ADK: variants seen among roughly 807,000 people sequenced by gnomAD.
ADK encodes the protein N6,N6-dimethyladenosine kinase.
A neutral mutation model predicts 44.7 loss-of-function variants in ADK; 24 were observed. The observed-to-expected ratio is 0.54, with a 90% CI of 0.39 to 0.76. The LOEUF (loss-of-function observed/expected upper bound fraction) is 0.76. Ranked by LOEUF, ADK falls within the 30% of genes least tolerant of loss-of-function variation. ADK has a pLI of 0.00. For missense variants in ADK, 321 were observed against 425.1 expected (o/e 0.76, Z 2.15); for synonymous variants, 128 against 142.6 (o/e 0.90, Z 0.73).
At chr10:74,223,032 TAAA>T (rs1564603020) in intron 2 of ADK, among the ~76,000 whole-genome samples, 1 of 152,050 alleles carries the variant, frequency 6.6e-6, no homozygotes, top group Non-Finnish European at 1.5e-5. Flanking sequence ...TAAAAATAAA[TAAA>T]AAGTGAATTT....
intron 3 of ADK, among the ~76,000 whole-genome samples, chr10:74,255,514 TG>T (rs1447044250): frequency 6.6e-6 from 1 of 152,196 alleles, no homozygotes; most frequent in African/African-American, 2.4e-5. Flanking sequence ...GTCAATTAAC[TG>T]GGGGCATAAT....
chr10:74,606,702 GTATA>G (rs1459883497), intron 9 of ADK, among the ~76,000 whole-genome samples: 7 of 152,192 alleles, frequency 4.6e-5, no homozygotes, highest in African/African-American at 1.7e-4. Context: ...TGAGAAGAAT[GTATA>G]TTCTGTTGAT....
intron 9 of ADK, among the ~76,000 whole-genome samples, chr10:74,647,450 C>T (rs1220727107): frequency 6.6e-6 from 1 of 152,138 alleles, no homozygotes; most frequent in African/African-American, 2.4e-5. Context: ...AAGGTAATTA[C>T]AGCTTCTACT....
chr10:74,514,336 C>G (rs1811383631), intron 6 of ADK, among the ~76,000 whole-genome samples: 1 of 152,140 alleles, frequency 6.6e-6, no homozygotes, highest in Non-Finnish European at 1.5e-5. Flanking sequence ...GGATGTCTCT[C>G]TGTCTTTCTG....
intron 6 of ADK, among the ~76,000 whole-genome samples, chr10:74,475,784 GAGAAAGAAA>G: frequency 7.0e-6 from 1 of 142,552 alleles, no homozygotes; most frequent in Admixed American, 7.0e-5. Flanking sequence ...GAGGGAGAAA[GAGAAAGAAA>G]AGAAAGAAGA....
intron 2 of ADK, among the ~76,000 whole-genome samples, chr10:74,219,774 G>C (rs1844220217): frequency 6.6e-6 from 1 of 150,780 alleles, no homozygotes; most frequent in South Asian, 2.1e-4. Flanking sequence ...TGACTACTGG[G>C]TACATAACGA....
intron 9 of ADK, among the ~76,000 whole-genome samples, chr10:74,623,274 A>G (rs778833495): frequency 2.6e-4 from 39 of 152,138 alleles, no homozygotes; most frequent in Non-Finnish European, 5.7e-4. Context: ...ATCTGGCCCA[A>G]ATTATTAATT....
chr10:74,680,659 A>C (rs2134231585), intron 10 of ADK, among the ~76,000 whole-genome samples: 1 of 152,360 alleles, frequency 6.6e-6, no homozygotes, highest in South Asian at 2.1e-4. Context: ...TCACTGTGGT[A>C]AATAAGTCAT....
chr10:74,496,319 A>G (rs1847686153), intron 6 of ADK, among the ~76,000 whole-genome samples: 1 of 152,142 alleles, frequency 6.6e-6, no homozygotes, highest in African/African-American at 2.4e-5. Flanking sequence ...AATAATCTCC[A>G]CATGTCAAGG....
intron 3 of ADK, among the ~76,000 whole-genome samples, chr10:74,284,677 C>T (rs1424203123): frequency 6.6e-6 from 1 of 152,242 alleles, no homozygotes; most frequent in Non-Finnish European, 1.5e-5. Context: ...CCTACTCCTA[C>T]TACCACATAA....
intron 6 of ADK, among the ~76,000 whole-genome samples, chr10:74,419,337 T>C (rs1001993619): frequency 3.3e-5 from 5 of 152,108 alleles, no homozygotes; most frequent in Admixed American, 3.3e-4. Context: ...CCCCCAAAAA[T>C]CCCTTATTTA....
At chr10:74,371,825 T>C in intron 4 of ADK, 1 of 1,275,468 alleles carries the variant, frequency 7.8e-7, no homozygotes, top group Non-Finnish European at 1.1e-6. Context: ...CTGGAGCCAC[T>C]CCAATTGTTG....
chr10:74,223,056 T>G (rs975691320), intron 2 of ADK, among the ~76,000 whole-genome samples: 1 of 152,152 alleles, frequency 6.6e-6, no homozygotes, highest in African/African-American at 2.4e-5. Context: ...TAGGCCATTT[T>G]CTGTTACTTA....
chr10:74,190,982 T>TTC (rs1554827321), intron 1 of ADK, among the ~76,000 whole-genome samples: 12 of 32,092 alleles, frequency 3.7e-4, no homozygotes, highest in African/African-American at 7.6e-4. Context: ...TATTTTTGAC[T>TTC]TTTTTTTTTT....
intron 3 of ADK, among the ~76,000 whole-genome samples, chr10:74,296,066 C>CTTTTTTTTTTTTTT (rs59799489): frequency 7.1e-6 from 1 of 139,952 alleles, no homozygotes; most frequent in Admixed American, 7.0e-5. Context: ...TATTTAGCTC[C>CTTTTTTTTTTTTTT]TTTTTTTTTT....
chr10:74,505,851 A>G (rs1848052951), intron 6 of ADK, among the ~76,000 whole-genome samples: 1 of 152,200 alleles, frequency 6.6e-6, no homozygotes, highest in Admixed American at 6.5e-5. Flanking sequence ...TTTGATGGCA[A>G]GTAGACCACT....
intron 10 of ADK, among the ~76,000 whole-genome samples, chr10:74,673,536 C>T (rs534991281): frequency 7.9e-4 from 120 of 152,312 alleles, no homozygotes; most frequent in African/African-American, 2.8e-3. Context: ...TAAGAGCGAA[C>T]TCCATACCAG....
intron 3 of ADK, among the ~76,000 whole-genome samples, chr10:74,286,689 C>G (rs1010249958): frequency 2.6e-5 from 4 of 152,236 alleles, no homozygotes; most frequent in African/African-American, 9.6e-5. Flanking sequence ...TTGAAGTTAA[C>G]TTGCCCCAGG....
chr10:74,602,121 A>G (rs1852155658), intron 9 of ADK, among the ~76,000 whole-genome samples: 1 of 150,602 alleles, frequency 6.6e-6, no homozygotes, highest in Non-Finnish European at 1.5e-5. Context: ...AAAAAAAAAA[A>G]AAAAAAAAGA....
Sources: allele counts gnomAD v4.1 joint callset (sites outside exome capture counted in the v4.1 genomes callset), GRCh38; gene constraint gnomAD v4.1.1; transcripts MANE v1.5; gene names NCBI Gene and HGNC (gene_info 2026-07-23, HGNC 2026-07-21).